Variants in ZNF804B observed in about 807,000 individuals in gnomAD.
ZNF804B encodes zinc finger protein 804B, also known as zinc finger 804B.
In ZNF804B, 80 loss-of-function variants were observed where a neutral mutation model predicts 101.4. The observed-to-expected ratio is 0.79, with a 90% CI of 0.66 to 0.95. The LOEUF is 0.95. Among genes scored for constraint, ZNF804B ranks in the 40% least tolerant of loss-of-function variants. The pLI is 0.00. For synonymous variants in ZNF804B, 622 were observed against 558.8 expected (o/e 1.11, Z -1.59); for missense variants, 1,673 against 1,561.9 (o/e 1.07, Z -1.20).
intron 2 of ZNF804B, among the ~76,000 whole-genome samples, chr7:89,271,385 G>A (rs1789891011): frequency 6.6e-6 from 1 of 152,106 alleles, no homozygotes; most frequent in Non-Finnish European, 1.5e-5. Context: ...ATTTGCATAT[G>A]TTCAACCAGC....
chr7:88,978,056 A>G (rs1240707489), intron 1 of ZNF804B, among the ~76,000 whole-genome samples: 1 of 151,790 alleles, frequency 6.6e-6, no homozygotes, highest in East Asian at 1.9e-4. Flanking sequence ...TTCTCTTGTC[A>G]TTGATTTCTA....
At chr7:88,817,721 G>T (rs1790907057) in intron 1 of ZNF804B, among the ~76,000 whole-genome samples, 1 of 152,100 alleles carries the variant, frequency 6.6e-6, no homozygotes, top group African/African-American at 2.4e-5. Flanking sequence ...GGTACATTTT[G>T]TATCAACATC....
At chr7:89,066,351 G>A (rs1789454489) in intron 1 of ZNF804B, among the ~76,000 whole-genome samples, 1 of 152,006 alleles carries the variant, frequency 6.6e-6, no homozygotes, top group African/African-American at 2.4e-5. Context: ...CTTGATCCTG[G>A]ACCAAGGATC....
In ZNF804B at chr7:89,335,413, G is replaced by A. The variant is rs367677956; in HGVS notation, c.2431G>A (p.Gly811Ser). 8 of 1,613,456 alleles carry A rather than the reference G, an allele frequency of 5.0e-6. No individual in the cohort carries two copies. The African/African-American group carries it at 1.1e-4, about 22-fold the overall frequency. The change falls in exon 4 of 4, where the codon GGC becomes AGC. Residue 811 changes from glycine (G) to serine (S), a missense_variant. Physicochemically the swap from Gly to Ser is moderately conservative, Grantham distance 56. Transcript: ENST00000333190. Reference protein sequence around the residue: ...YCHCRERQKLGKNQQQFSGLK... With the variant: ...YCHCRERQKLSKNQQQFSGLK... The stretch of plus-strand genomic sequence containing the variant: ...TCACTGCAGAGAAAGACAAAAACTG[G>A]GCAAAAATCAACAACAATTTTCAGG...
At chr7:88,845,810 A>C (rs1791365172) in intron 1 of ZNF804B, among the ~76,000 whole-genome samples, 1 of 152,118 alleles carries the variant, frequency 6.6e-6, no homozygotes, top group Non-Finnish European at 1.5e-5. Flanking sequence ...TCCTCCCTAA[A>C]GTGAGAGGCC....
At chr7:89,173,571 A>G (rs1791271151) in intron 1 of ZNF804B, among the ~76,000 whole-genome samples, 1 of 152,094 alleles carries the variant, frequency 6.6e-6, no homozygotes, top group African/African-American at 2.4e-5. Context: ...AAATAGTGCT[A>G]TATTTCTAAA....
At chr7:88,842,239 C>G (rs1351084056) in intron 1 of ZNF804B, among the ~76,000 whole-genome samples, 1 of 152,110 alleles carries the variant, frequency 6.6e-6, no homozygotes, top group Non-Finnish European at 1.5e-5. Context: ...ATGTCCTCAT[C>G]AATTGTACAA....
intron 1 of ZNF804B, among the ~76,000 whole-genome samples, chr7:89,114,968 A>AT (rs889070249): frequency 6.6e-5 from 10 of 152,154 alleles, no homozygotes; most frequent in Admixed American, 1.3e-4. Flanking sequence ...ATAACCAAGT[A>AT]TTTTTTTTCT....
At chr7:88,842,496 G>A (rs1227467711) in intron 1 of ZNF804B, among the ~76,000 whole-genome samples, 2 of 152,216 alleles carry the variant, frequency 1.3e-5, no homozygotes, top group Non-Finnish European at 2.9e-5. Flanking sequence ...AAAATGAAGA[G>A]TGTAAATGGA....
chr7:89,245,913 G>T (rs150452283), intron 2 of ZNF804B, among the ~76,000 whole-genome samples: 7 of 152,288 alleles, frequency 4.6e-5, no homozygotes, highest in Non-Finnish European at 4.4e-5. Context: ...CCAGGGAGAG[G>T]GAGAGCCCTT....
At chr7:89,185,055 A>G (rs12668251) in intron 1 of ZNF804B, among the ~76,000 whole-genome samples, 26,561 of 152,166 alleles carry the variant, frequency 0.17, 2,403 homozygotes, top group Middle Eastern at 0.29. Context: ...TCTAAGGGAT[A>G]CAAAATAAGT....
At chr7:89,216,927 A>G (rs1419216369) in intron 1 of ZNF804B, among the ~76,000 whole-genome samples, 1 of 152,200 alleles carries the variant, frequency 6.6e-6, no homozygotes, top group East Asian at 1.9e-4. Context: ...TCAAAGTGCC[A>G]GTCACTCTTT....
chr7:88,887,363 A>G (rs1792144482), intron 1 of ZNF804B, among the ~76,000 whole-genome samples: 1 of 152,050 alleles, frequency 6.6e-6, no homozygotes. Context: ...CTTTGCAAAT[A>G]TTTTCTCCAA....
intron 2 of ZNF804B, among the ~76,000 whole-genome samples, chr7:89,292,525 A>T (rs947234846): frequency 1.3e-5 from 2 of 152,074 alleles, no homozygotes; most frequent in Admixed American, 6.6e-5. Context: ...TGCAAGCCTC[A>T]TGGTAACTTC....
At chr7:89,247,235 C>T (rs1012225665) in intron 2 of ZNF804B, among the ~76,000 whole-genome samples, 1 of 152,200 alleles carries the variant, frequency 6.6e-6, no homozygotes, top group African/African-American at 2.4e-5. Flanking sequence ...AGAAACTGGA[C>T]CTGCCTGGTC....
chr7:88,897,308 G>A (rs1792305650), intron 1 of ZNF804B, among the ~76,000 whole-genome samples: 1 of 152,156 alleles, frequency 6.6e-6, no homozygotes, highest in East Asian at 1.9e-4. Context: ...GATGTCTTTG[G>A]CAAAAGATGT....
intron 3 of ZNF804B, among the ~76,000 whole-genome samples, chr7:89,328,143 C>T (rs1230496880): frequency 6.6e-6 from 1 of 151,868 alleles, no homozygotes; most frequent in Non-Finnish European, 1.5e-5. Context: ...ATGTGTTTGA[C>T]AGCAACCTAG....
chr7:88,866,756 T>C (rs957912642), intron 1 of ZNF804B, among the ~76,000 whole-genome samples: 1 of 152,212 alleles, frequency 6.6e-6, no homozygotes, highest in Non-Finnish European at 1.5e-5. Context: ...ATCATTGTTC[T>C]AATCTACAAG....
chr7:88,934,057 G>A (rs1005184809), intron 1 of ZNF804B, among the ~76,000 whole-genome samples: 1 of 151,910 alleles, frequency 6.6e-6, no homozygotes, highest in Non-Finnish European at 1.5e-5. Context: ...CATGGTACTG[G>A]TATAAAAATA....
Sources: gnomAD v4.1 joint callset for allele counts (sites outside exome capture counted in the v4.1 genomes callset) on GRCh38, gnomAD v4.1.1 for gene constraint, MANE v1.5 for transcripts, NCBI Gene and HGNC (gene_info 2026-07-23, HGNC 2026-07-21) for gene names.